PHF24: variants seen among roughly 807,000 people sequenced by gnomAD.
PHF24 encodes the protein Galpha inhibitory interacting protein.
In PHF24, 25 loss-of-function variants were observed where a neutral mutation model predicts 42.6. The observed-to-expected ratio is 0.59, with a 90% CI of 0.43 to 0.82. The LOEUF (loss-of-function observed/expected upper bound fraction) is 0.82. PHF24 is among the 40% of genes least tolerant of loss of function. PHF24 has a pLI of 0.00. For synonymous variants in PHF24, 185 were observed against 204.8 expected (o/e 0.90, Z 0.83); for missense variants, 470 against 538.1 (o/e 0.87, Z 1.25).
chr9:34,731,054 C>G, the PHF24 span, among the ~76,000 whole-genome samples: 1 of 152,122 alleles, frequency 6.6e-6, no homozygotes, highest in Non-Finnish European at 1.5e-5. Flanking sequence ...ATTTAAAAGG[C>G]AGAAGAGTGT....
the PHF24 span, among the ~76,000 whole-genome samples, chr9:34,810,826 T>C: frequency 6.6e-6 from 1 of 152,140 alleles, no homozygotes; most frequent in Non-Finnish European, 1.5e-5. Context: ...TGCTCCAGGC[T>C]GCATTTTAGT....
the PHF24 span, among the ~76,000 whole-genome samples, chr9:34,938,810 G>A: frequency 3.3e-5 from 5 of 151,424 alleles, no homozygotes; most frequent in Admixed American, 2.0e-4. Flanking sequence ...GGTGGCGGGC[G>A]CCTGTAGTCC....
At chr9:34,703,078 TCATAGACAACAAGTGA>T in the PHF24 span, among the ~76,000 whole-genome samples, 1 of 152,170 alleles carries the variant, frequency 6.6e-6, no homozygotes, top group African/African-American at 2.4e-5. Flanking sequence ...ATGTCACCTT[TCATAGACAACAAGTGA>T]CAGACCCCAC....
chr9:34,720,129 G>A, the PHF24 span, among the ~76,000 whole-genome samples: 1 of 152,104 alleles, frequency 6.6e-6, no homozygotes, highest in Non-Finnish European at 1.5e-5. Context: ...AGGAACCAGG[G>A]GCATCCCACT....
chr9:34,911,520 G>A, the PHF24 span, among the ~76,000 whole-genome samples: 6,413 of 152,216 alleles, frequency 0.042, 139 homozygotes, highest in Middle Eastern at 0.051. Context: ...CCAAAGTGCC[G>A]GGATTACAGG....
At chr9:34,931,123 A>T in the PHF24 span, among the ~76,000 whole-genome samples, 2 of 152,086 alleles carry the variant, frequency 1.3e-5, no homozygotes, top group Non-Finnish European at 2.9e-5. Context: ...CACGCCTGTA[A>T]TCTCAGCACT....
chr9:34,748,029 G>T, the PHF24 span, among the ~76,000 whole-genome samples: 2 of 152,092 alleles, frequency 1.3e-5, no homozygotes, highest in Non-Finnish European at 2.9e-5. Context: ...GAATAAAATA[G>T]TATATACTAT....
the PHF24 span, among the ~76,000 whole-genome samples, chr9:34,876,403 C>A: frequency 2.1e-4 from 32 of 152,236 alleles, no homozygotes; most frequent in Non-Finnish European, 4.4e-5. Flanking sequence ...TCTGAAAAGG[C>A]TACATACTGT....
chr9:34,841,416 T>C, the PHF24 span, among the ~76,000 whole-genome samples: 1 of 152,252 alleles, frequency 6.6e-6, no homozygotes, highest in South Asian at 2.1e-4. Context: ...GGTTTACAAG[T>C]ATCTGTTCAA....
the PHF24 span, among the ~76,000 whole-genome samples, chr9:34,831,274 G>A: frequency 6.6e-6 from 1 of 152,146 alleles, no homozygotes; most frequent in Non-Finnish European, 1.5e-5. Flanking sequence ...AAAGGCACCA[G>A]GTAGATCCTG....
chr9:34,793,039 T>C, the PHF24 span, among the ~76,000 whole-genome samples: 6 of 152,152 alleles, frequency 3.9e-5, no homozygotes, highest in African/African-American at 1.4e-4. Flanking sequence ...TATAAAATCA[T>C]AAAATATTTT....
At chr9:34,877,459 G>C in the PHF24 span, among the ~76,000 whole-genome samples, 3 of 152,106 alleles carry the variant, frequency 2.0e-5, no homozygotes, top group Non-Finnish European at 4.4e-5. Flanking sequence ...AGGTTACCAG[G>C]GTCTCAGGGT....
chr9:34,707,390 A>G, the PHF24 span, among the ~76,000 whole-genome samples: 26 of 152,338 alleles, frequency 1.7e-4, no homozygotes, highest in Non-Finnish European at 3.2e-4. Flanking sequence ...AACCCTTGGC[A>G]GGTGGGATCC....
the PHF24 span, among the ~76,000 whole-genome samples, chr9:34,863,415 C>CAGAGAGAG: frequency 5.4e-5 from 8 of 147,070 alleles, no homozygotes; most frequent in South Asian, 2.2e-4. Flanking sequence ...GCTGGCTCAT[C>CAGAGAGAG]AGAGAGAGAG....
chr9:34,938,687 T>C, the PHF24 span, among the ~76,000 whole-genome samples: 11 of 151,986 alleles, frequency 7.2e-5, no homozygotes, highest in African/African-American at 2.7e-4. Flanking sequence ...CCCAGCACTT[T>C]GGGAGGCCGA....
the PHF24 span, among the ~76,000 whole-genome samples, chr9:34,805,872 T>C: frequency 6.6e-5 from 10 of 152,216 alleles, no homozygotes; most frequent in Non-Finnish European, 1.3e-4. Context: ...GATCCAACTT[T>C]GTGTATGGTG....
At chr9:34,825,369 C>T in the PHF24 span, among the ~76,000 whole-genome samples, 1 of 148,004 alleles carries the variant, frequency 6.8e-6, no homozygotes, top group Non-Finnish European at 1.5e-5. Flanking sequence ...CCAAAACTAT[C>T]CTATTAAAGG....
chr9:34,849,186 A>G, the PHF24 span, among the ~76,000 whole-genome samples: 1 of 152,024 alleles, frequency 6.6e-6, no homozygotes, highest in Non-Finnish European at 1.5e-5. Context: ...GATCTGTCTA[A>G]TGTTGACAGT....
the PHF24 span, chr9:34,726,715 T>G: frequency 6.4e-7 from 1 of 1,551,666 alleles, no homozygotes; most frequent in South Asian, 1.2e-5. Flanking sequence ...TCTGATCTGT[T>G]AATTGTGACA....
Sources: gnomAD v4.1 joint callset for allele counts (sites outside exome capture counted in the v4.1 genomes callset) on GRCh38, gnomAD v4.1.1 for gene constraint, MANE v1.5 for transcripts, NCBI Gene and HGNC (gene_info 2026-07-23, HGNC 2026-07-21) for gene names.